Variants in SPANXN2 observed in about 807,000 individuals in gnomAD.
The protein encoded by SPANXN2 is sperm protein associated with the nucleus on the X chromosome N2.
In SPANXN2, 1 loss-of-function variant was observed where a neutral mutation model predicts 2.0. The ratio of observed to expected loss-of-function variants is 0.50; its 90% CI spans 0.18 to 2.36. The LOEUF is 2.36. SPANXN2 is among the 30% of genes most tolerant of loss of function. The pLI, the probability that SPANXN2 is intolerant of heterozygous loss-of-function variation, is 0.26. For synonymous variants in SPANXN2, 43 were observed against 49.8 expected, an observed-to-expected ratio of 0.86 and a Z score of 0.58; for missense variants, 88 against 116.7, an observed-to-expected ratio of 0.75 and a Z score of 1.13.
intron 1 of SPANXN2, among the ~76,000 whole-genome samples, chrX:143,716,617 G>T (rs1932270190): frequency 8.9e-6 from 1 of 111,960 alleles, no homozygotes; most frequent in African/African-American, 3.3e-5. Context: ...GGACTACTCT[G>T]CCAAACATAT....
intron 1 of SPANXN2, among the ~76,000 whole-genome samples, chrX:143,714,756 A>C (rs1556449208): frequency 1.8e-5 from 2 of 112,136 alleles, no homozygotes; most frequent in African/African-American, 6.5e-5. Context: ...AAACTTAAAA[A>C]ACTGGAGGGT....
intron 1 of SPANXN2, among the ~76,000 whole-genome samples, chrX:143,715,521 C>A (rs1281170215): frequency 9.1e-6 from 1 of 109,480 alleles, no homozygotes; most frequent in Non-Finnish European, 1.9e-5. Flanking sequence ...CCTCATTATC[C>A]ACCCTGTTAC....
chrX:143,714,792 T>C (rs782528480), intron 1 of SPANXN2, among the ~76,000 whole-genome samples: 45 of 111,729 alleles, frequency 4.0e-4, no homozygotes, highest in Non-Finnish European at 7.0e-4. Context: ...CAAAGAGACT[T>C]AATCAAAGTG....
intron 1 of SPANXN2, among the ~76,000 whole-genome samples, chrX:143,719,346 G>C (rs782374579): frequency 1.8e-5 from 2 of 111,534 alleles, no homozygotes; most frequent in African/African-American, 3.3e-5. Context: ...ATCCTTCTGC[G>C]CTGTCAGGAC....
chrX:143,718,892 C>T lies in SPANXN2; in HGVS notation c.78+1699G>A, dbSNP rs190067596. Among the ~76,000 whole-genome samples the T allele has an allele frequency of 3.6e-5, 4 of 110,940 alleles. No homozygotes were observed. The East Asian group carries it at 8.6e-4, about 24-fold the overall frequency. ...GGATATTCTAAGTCCCCACCCCGAA[C>T]GTCTAACAGATGAGCCCCCTTCATC... is the stretch of plus-strand genomic sequence containing the variant. On this transcript the variant is annotated intron_variant, in intron 1 of 1. Transcript: ENST00000598475.
At chrX:143,712,547 T>G (rs372506198) in intron 1 of SPANXN2, 48 bp from the exon 2 acceptor site, 58 of 1,130,506 alleles carry the variant, frequency 5.1e-5, no homozygotes, top group South Asian at 1.6e-4. Context: ...TTTGGGTGAA[T>G]AGGGTAGAGA....
chrX:143,717,951 C>G (rs1932296944), intron 1 of SPANXN2, among the ~76,000 whole-genome samples: 1 of 111,871 alleles, frequency 8.9e-6, no homozygotes, highest in South Asian at 3.7e-4. Context: ...CTTCTATTCT[C>G]TCCACCCATA....
rs782374579 is a variant in SPANXN2, at chrX:143,719,346, G to A, written c.78+1245C>T. 2.7e-5 allele frequency among the ~76,000 whole-genome samples: 3 copies of A among 111,586 alleles called. No individual in the cohort carries two copies. In the East Asian group the frequency reaches 8.5e-4, roughly 32 times the overall value. ...TCAACTGCAACCTGTATCCTTCTGC[G>A]CTGTCAGGACCGCAATGGCTATTAG... is the stretch of plus-strand genomic sequence containing the variant. On this transcript the variant is annotated intron_variant, in intron 1 of 1. Coordinates refer to ENST00000598475, the Ensembl canonical transcript of SPANXN2.
At chrX:143,719,628 C>T (rs1169181911) in intron 1 of SPANXN2, among the ~76,000 whole-genome samples, 5 of 112,222 alleles carry the variant, frequency 4.5e-5, no homozygotes, top group Non-Finnish European at 9.4e-5. Flanking sequence ...TTATCTCTGC[C>T]TACTGGCCAA....
At chrX:143,715,654 C>G (rs1318503060) in intron 1 of SPANXN2, among the ~76,000 whole-genome samples, 2 of 105,313 alleles carry the variant, frequency 1.9e-5, no homozygotes, top group East Asian at 6.7e-4. Context: ...TCCCCTTAAT[C>G]CAGCCTTGCT....
chrX:143,715,863 G>A (rs182382633), intron 1 of SPANXN2, among the ~76,000 whole-genome samples: 25 of 111,177 alleles, frequency 2.2e-4, no homozygotes, highest in South Asian at 7.8e-4. Context: ...CTACTCTACC[G>A]TATTGCCCCA....
In SPANXN2 at chrX:143,715,333, A is replaced by G. The variant is rs192416681; in HGVS notation, c.79-2834T>C. On this transcript the variant is annotated intron_variant, in intron 1 of 1. Coordinates refer to ENST00000598475, the Ensembl canonical transcript of SPANXN2. ...TAGGCACAGACTGGTCCTTTATTAT[A>G]CAACCTATTCAGCAGCCCCCTTCAC... Among the ~76,000 whole-genome samples, 277 of 110,127 alleles carry G rather than the reference A, an allele frequency of 2.5e-3. 2 individuals are homozygous for G. The highest frequency in any genetic ancestry group is 8.2e-3 in the African/African-American group (247 of 30,197).
At chrX:143,714,691 C>CA (rs1932228443) in intron 1 of SPANXN2, among the ~76,000 whole-genome samples, 1 of 111,758 alleles carries the variant, frequency 8.9e-6, no homozygotes, top group African/African-American at 3.3e-5. Flanking sequence ...CCAATAAGGG[C>CA]AAAAACTACC....
rs782683347 is a variant in SPANXN2 at position 143,714,896 on chromosome X, C to T, written c.79-2397G>A. 8.9e-5 allele frequency among the ~76,000 whole-genome samples: 10 copies of T among 111,878 alleles called. No individual in the cohort carries two copies. The South Asian group carries it at 3.4e-3, about 38-fold the overall frequency. Reference sequence around the variant, plus strand: ...ATACCAAATGCTGGTAGCTGCCACTCAACAGGGTTCCCAAGGCCTACAGAA... The same window carrying T: ...ATACCAAATGCTGGTAGCTGCCACTTAACAGGGTTCCCAAGGCCTACAGAA... On this transcript the variant is annotated intron_variant, in intron 1 of 1. Coordinates refer to ENST00000598475, the Ensembl canonical transcript of SPANXN2.
At chrX:143,712,225 G>T (rs1556448422) in exon 2 of SPANXN2, 1 of 465,598 alleles carries the variant, frequency 2.1e-6, no homozygotes, top group African/African-American at 2.6e-5. Flanking sequence ...AGATCCTTCA[G>T]ATGAGTCCAG....
At chrX:143,714,974 C>G (rs1602679069) in intron 1 of SPANXN2, among the ~76,000 whole-genome samples, 2 of 111,730 alleles carry the variant, frequency 1.8e-5, no homozygotes, top group South Asian at 7.6e-4. Context: ...GTTCGTCTAA[C>G]AGGGACACTG....
At chrX:143,717,044 T>C (rs146084711) in intron 1 of SPANXN2, among the ~76,000 whole-genome samples, 59 of 112,212 alleles carry the variant, frequency 5.3e-4, no homozygotes, top group African/African-American at 1.7e-3. Flanking sequence ...CACGGTTAGT[T>C]AATGGAACCT....
At chrX:143,719,298 G>C (rs782115588) in intron 1 of SPANXN2, among the ~76,000 whole-genome samples, 21 of 110,974 alleles carry the variant, frequency 1.9e-4, no homozygotes, top group Non-Finnish European at 3.6e-4. Context: ...GCGCTCCCTG[G>C]AAAATATCCA....
intron 1 of SPANXN2, among the ~76,000 whole-genome samples, chrX:143,718,268 CT>C (rs1203748482): frequency 2.7e-5 from 3 of 111,532 alleles, no homozygotes; most frequent in African/African-American, 9.8e-5. Flanking sequence ...CAGAATCTCC[CT>C]GTATTTTCCC....
Sources: gnomAD v4.1 joint callset for allele counts (sites outside exome capture counted in the v4.1 genomes callset) on GRCh38, gnomAD v4.1.1 for gene constraint, MANE v1.5 for transcripts, NCBI Gene and HGNC (gene_info 2026-07-23, HGNC 2026-07-21) for gene names.